GNA14: variants seen among roughly 807,000 people sequenced by gnomAD.
GNA14 encodes the protein G protein subunit alpha 14, also known as guanine nucleotide-binding protein subunit alpha-14.
A neutral mutation model predicts 42.0 loss-of-function variants in GNA14; 50 were observed. The ratio of observed to expected loss-of-function variants is 1.19; its 90% CI spans 0.95 to 1.51. GNA14 has a LOEUF of 1.51. Ranked by LOEUF, GNA14 falls within the 40% of genes most tolerant of loss-of-function variation. The pLI is 0.00. For synonymous variants in GNA14, 173 were observed against 163.1 expected (o/e 1.06, Z -0.46); for missense variants, 473 against 446.2 (o/e 1.06, Z -0.54).
chr9:77,460,907 G>T (rs184438716), intron 2 of GNA14, among the ~76,000 whole-genome samples: 4 of 152,144 alleles, frequency 2.6e-5, no homozygotes, highest in African/African-American at 9.7e-5. Flanking sequence ...TCCCTTACAG[G>T]TCTCACCGAA....
intron 2 of GNA14, among the ~76,000 whole-genome samples, chr9:77,487,890 G>C (rs1460630208): frequency 6.6e-6 from 1 of 152,186 alleles, no homozygotes; most frequent in East Asian, 1.9e-4. Flanking sequence ...GTCTCACAGA[G>C]TTGTTATTAG....
intron 2 of GNA14, 54 bp from the exon 3 acceptor site, chr9:77,434,576 T>C (rs528857965): frequency 2.7e-5 from 40 of 1,498,196 alleles, no homozygotes; most frequent in African/African-American, 6.9e-5. Context: ...AGCCAACCCA[T>C]TGGCAATGTC....
At chr9:77,571,756 CA>C (rs35715329) in intron 1 of GNA14, among the ~76,000 whole-genome samples, 6,047 of 129,734 alleles carry the variant, frequency 0.047, 141 homozygotes, top group African/African-American at 0.092. Context: ...CCTCTGCCTT[CA>C]AAAAAAAAAA....
chr9:77,579,972 T>G (rs1823191447), intron 1 of GNA14, among the ~76,000 whole-genome samples: 1 of 152,224 alleles, frequency 6.6e-6, no homozygotes, highest in African/African-American at 2.4e-5. Flanking sequence ...AGCCAGGGTT[T>G]TGGGAATTTT....
At chr9:77,446,707 C>T (rs1440598721) in intron 2 of GNA14, among the ~76,000 whole-genome samples, 1 of 152,186 alleles carries the variant, frequency 6.6e-6, no homozygotes, top group African/African-American at 2.4e-5. Context: ...AAGTGCCACA[C>T]CCCCACCAAC....
chr9:77,535,670 C>T (rs1478934182), intron 1 of GNA14, among the ~76,000 whole-genome samples: 1 of 152,202 alleles, frequency 6.6e-6, no homozygotes, highest in African/African-American at 2.4e-5. Flanking sequence ...AGACGATGCT[C>T]ATTAAAAATG....
chr9:77,447,352 A>G (rs1423394195), intron 2 of GNA14, among the ~76,000 whole-genome samples: 2 of 152,270 alleles, frequency 1.3e-5, no homozygotes, highest in East Asian at 3.9e-4. Context: ...CCCAAACTAC[A>G]GTACTGCTTC....
intron 2 of GNA14, among the ~76,000 whole-genome samples, chr9:77,483,811 G>A (rs1036368599): frequency 5.9e-5 from 9 of 152,236 alleles, no homozygotes; most frequent in South Asian, 2.1e-4. Context: ...CTCAATAACC[G>A]TAGGGATAAA....
chr9:77,500,413 G>A (rs1454427077), intron 2 of GNA14, among the ~76,000 whole-genome samples: 1 of 152,094 alleles, frequency 6.6e-6, no homozygotes, highest in African/African-American at 2.4e-5. Flanking sequence ...ATTCACATGA[G>A]GTTGTAAAAA....
chr9:77,434,223 G>T (rs974910013), intron 3 of GNA14, 145 bp downstream of exon 3: 2 of 698,784 alleles, frequency 2.9e-6, no homozygotes, highest in East Asian at 5.3e-5. Context: ...GGCACTAAGA[G>T]GTCAGGAGGG....
In GNA14 at chr9:77,529,253, C is replaced by T; in HGVS notation, c.125G>A (p.Gly42Glu). 7 of 1,612,756 alleles carry T rather than the reference C, an allele frequency of 4.3e-6. No homozygotes were observed. The highest frequency in any genetic ancestry group is 5.9e-6 in the Non-Finnish European group (7 of 1,178,828). ...ARRELKLLLL[G>E]TGESGKSTFI... ...GGTGCTTTTCCCACTTTCACCAGTT[C>T]CTATAAGACAAAACAAGTGGAAAAC... The change falls in exon 2 of 7, where the codon GGA becomes GAA. Residue 42 changes from glycine to glutamate, a missense_variant and splice_region_variant. Physicochemically the swap from Gly to Glu is moderately conservative, Grantham distance 98. Transcript: ENST00000341700.
At chr9:77,578,476 T>C (rs1003591714) in intron 1 of GNA14, among the ~76,000 whole-genome samples, 1 of 152,128 alleles carries the variant, frequency 6.6e-6, no homozygotes, top group African/African-American at 2.4e-5. Context: ...GTGCTTCCAA[T>C]ATGAGTCAAC....
At chr9:77,538,584 T>G (rs568366416) in intron 1 of GNA14, among the ~76,000 whole-genome samples, 2 of 152,352 alleles carry the variant, frequency 1.3e-5, no homozygotes, top group South Asian at 4.1e-4. Flanking sequence ...TAATTCCATT[T>G]GTTTCCTTTT....
chr9:77,543,523 C>T (rs1837684184), intron 1 of GNA14, among the ~76,000 whole-genome samples: 1 of 152,196 alleles, frequency 6.6e-6, no homozygotes, highest in African/African-American at 2.4e-5. Flanking sequence ...CATGAGCTCC[C>T]TTTGGAGCAA....
At chr9:77,474,355 T>A (rs1587784129) in intron 2 of GNA14, among the ~76,000 whole-genome samples, 1 of 151,810 alleles carries the variant, frequency 6.6e-6, no homozygotes, top group East Asian at 2.0e-4. Context: ...GATTAGGCAT[T>A]TCTACAAAGA....
intron 1 of GNA14, among the ~76,000 whole-genome samples, chr9:77,545,113 C>T (rs575709032): frequency 6.6e-6 from 1 of 152,124 alleles, no homozygotes; most frequent in Non-Finnish European, 1.5e-5. Context: ...AATCCTTAAG[C>T]CTCAATAAGG....
Position 77,474,027 on chromosome 9 carries a change from A to G in GNA14, c.310-39505T>C, listed in dbSNP as rs142524302. 8.3e-4 allele frequency among the ~76,000 whole-genome samples: 126 copies of G among 152,340 alleles called. 1 individual carries two copies. The highest frequency in any genetic ancestry group is 2.9e-3 in the African/African-American group (122 of 41,584). On this transcript the variant is annotated intron_variant, in intron 2 of 6. Transcript: ENST00000341700. ...TAACTCAAAATAGATCATTTATCTA[A>G]ACTGAAGAGCTAAAACTATAAAACT...
At chr9:77,634,577 C>T (rs12338265) in intron 1 of GNA14, among the ~76,000 whole-genome samples, 4 of 152,116 alleles carry the variant, frequency 2.6e-5, no homozygotes, top group African/African-American at 9.6e-5. Context: ...TTTTCCAAAT[C>T]TCATCTTATT....
intron 1 of GNA14, chr9:77,580,665 C>G (rs1823206453): frequency 6.1e-6 from 2 of 325,530 alleles, no homozygotes; most frequent in South Asian, 8.0e-5. Context: ...GTTTCCTCCT[C>G]ACACCTCTTC....
Sources: gnomAD v4.1 joint callset for allele counts (sites outside exome capture counted in the v4.1 genomes callset) on GRCh38, gnomAD v4.1.1 for gene constraint, MANE v1.5 for transcripts, NCBI Gene and HGNC (gene_info 2026-07-23, HGNC 2026-07-21) for gene names.